THSD7B: variants seen among roughly 807,000 people sequenced by gnomAD.
THSD7B encodes the protein thrombospondin type-1 domain-containing protein 7B.
THSD7B carries 138 observed loss-of-function variants against 213.6 expected under a neutral mutation model. That is an observed-to-expected ratio of 0.65 (90% CI 0.56 to 0.74). The LOEUF is 0.74. Ranked by LOEUF, THSD7B falls within the 30% of genes least tolerant of loss-of-function variation. THSD7B has a pLI of 0.00. For missense variants in THSD7B, 1,931 were observed against 1,991.5 expected (o/e 0.97, Z 0.58); for synonymous variants, 742 against 687.0 (o/e 1.08, Z -1.25).
chr2:137,535,351 T>C (rs1680484458), intron 15 of THSD7B, among the ~76,000 whole-genome samples: 1 of 151,752 alleles, frequency 6.6e-6, no homozygotes, highest in Non-Finnish European at 1.5e-5. Context: ...TTAATTACCA[T>C]TTATATTAAC....
chr2:137,128,979 G>T (rs976684011), intron 5 of THSD7B, among the ~76,000 whole-genome samples: 7 of 152,036 alleles, frequency 4.6e-5, no homozygotes, highest in African/African-American at 1.7e-4. Flanking sequence ...AACTCTAATT[G>T]ATTTTTTATA....
intron 1 of THSD7B, among the ~76,000 whole-genome samples, chr2:136,880,983 T>G (rs941790635): frequency 6.6e-6 from 1 of 152,148 alleles, no homozygotes; most frequent in Non-Finnish European, 1.5e-5. Context: ...AAATCTCATC[T>G]TAGTCCATTC....
At chr2:136,962,274 A>C (rs1401986064) in intron 2 of THSD7B, among the ~76,000 whole-genome samples, 1 of 152,192 alleles carries the variant, frequency 6.6e-6, no homozygotes, top group African/African-American at 2.4e-5. Context: ...TTTTTAGCCC[A>C]GTGAGATTTA....
rs151123182 is a variant in THSD7B, at chr2:137,389,747, G to A, written c.2501-15866G>A. On this transcript the variant is annotated intron_variant, in intron 12 of 27. Transcript: ENST00000409968. ...AACAATTTTGAGTTGCTTTTTGTACGTGGTGAGAAACACAATGTCTATTTT... is the reference window on the plus strand; with the variant it reads ...AACAATTTTGAGTTGCTTTTTGTACATGGTGAGAAACACAATGTCTATTTT... Among the ~76,000 whole-genome samples the A allele has an allele frequency of 5.9e-5, 9 of 151,866 alleles. No homozygotes were observed. In the East Asian group the frequency reaches 1.7e-3, roughly 29 times the overall value.
chr2:137,075,758 G>A (rs1309659502), intron 3 of THSD7B, among the ~76,000 whole-genome samples: 3 of 152,116 alleles, frequency 2.0e-5, no homozygotes, highest in Admixed American at 1.3e-4. Context: ...ATACAGATGG[G>A]TTTTTGGTGT....
At chr2:137,467,284 G>T (rs1379943557) in intron 15 of THSD7B, among the ~76,000 whole-genome samples, 1 of 152,204 alleles carries the variant, frequency 6.6e-6, no homozygotes, top group Non-Finnish European at 1.5e-5. Context: ...GTGGGGTGGT[G>T]ACAGCAATGT....
intron 2 of THSD7B, among the ~76,000 whole-genome samples, chr2:136,890,440 TTC>T (rs1480436243): frequency 0.04 from 111 of 2,746 alleles, 38 homozygotes; most frequent in South Asian, 0.31. Flanking sequence ...CTTCTTCTTC[TTC>T]TTCTTCTTCT....
chr2:137,470,910 C>CTTTTTTTTT (rs70978226), intron 15 of THSD7B, among the ~76,000 whole-genome samples: 7 of 119,826 alleles, frequency 5.8e-5, no homozygotes, highest in Admixed American at 8.9e-5. Flanking sequence ...TTTTTCTTTA[C>CTTTTTTTTT]TTTTTTTTTT....
intron 12 of THSD7B, among the ~76,000 whole-genome samples, chr2:137,357,724 A>G (rs1685165803): frequency 6.6e-6 from 1 of 151,846 alleles, no homozygotes; most frequent in Non-Finnish European, 1.5e-5. Context: ...CCTACCCACC[A>G]CTCTCTACTC....
chr2:137,603,556 C>T (rs1272297357), intron 17 of THSD7B, among the ~76,000 whole-genome samples: 3 of 152,232 alleles, frequency 2.0e-5, no homozygotes, highest in East Asian at 3.9e-4. Context: ...TAAAATGGTT[C>T]TTCTTGCTAT....
chr2:136,836,607 GAGTGCT>G (rs1466004153), intron 1 of THSD7B, among the ~76,000 whole-genome samples: 2 of 152,128 alleles, frequency 1.3e-5, no homozygotes, highest in African/African-American at 4.8e-5. Flanking sequence ...TTGAGTTTTA[GAGTGCT>G]CCAGGGCTCA....
At chr2:137,215,233 T>C (rs183287800) in intron 7 of THSD7B, among the ~76,000 whole-genome samples, 1 of 152,340 alleles carries the variant, frequency 6.6e-6, no homozygotes, top group African/African-American at 2.4e-5. Context: ...TGTTTTCTTT[T>C]GAGAAATGTT....
chr2:137,160,055 G>A (rs1477683631), intron 5 of THSD7B, among the ~76,000 whole-genome samples, 158 bp from the exon 6 acceptor site: 2 of 152,196 alleles, frequency 1.3e-5, no homozygotes, highest in Non-Finnish European at 2.9e-5. Flanking sequence ...GTCATGTGAA[G>A]CTAAACAACA....
intron 27 of THSD7B, among the ~76,000 whole-genome samples, chr2:137,672,891 T>C (rs767035453): frequency 1.3e-5 from 2 of 152,220 alleles, no homozygotes; most frequent in African/African-American, 4.8e-5. Flanking sequence ...CCTCTGGCAG[T>C]AAATATCCAT....
chr2:137,167,186 T>A (rs1680155272), intron 6 of THSD7B, among the ~76,000 whole-genome samples: 1 of 151,352 alleles, frequency 6.6e-6, no homozygotes, highest in South Asian at 2.1e-4. Context: ...TTATAATTTT[T>A]ATTTTATTAT....
In THSD7B at chr2:136,820,317, G is replaced by A. The variant is rs77955210; in HGVS notation, c.-36+54630G>A. Among the ~76,000 whole-genome samples, 548 of 152,260 alleles carry A rather than the reference G, an allele frequency of 3.6e-3. 24 individuals are homozygous for A. The East Asian group carries it at 0.078, about 22-fold the overall frequency. On this transcript the variant is annotated intron_variant, in intron 1 of 27. Coordinates refer to ENST00000409968, the MANE Select transcript of THSD7B (RefSeq NM_001316349.2). ...CAAGGGGAAAATAATAACTTACTCA[G>A]TGGAATAACCTGGAGGATACCCTGA...
chr2:136,825,728 T>TTTTTGTTTTTTTTTTTTTTTTG lies in THSD7B; in HGVS notation c.-35-56412_-35-56411insGTTTTTTTTTTTTTTTTGTTTT. 2.7e-5 allele frequency among the ~76,000 whole-genome samples: 4 copies of TTTTTGTTTTTTTTTTTTTTTTG among 148,106 alleles called. No homozygotes were observed. The South Asian group carries it at 8.8e-4, about 33-fold the overall frequency. On this transcript the variant is annotated intron_variant, in intron 1 of 27. Coordinates refer to ENST00000409968, the MANE Select transcript of THSD7B (RefSeq NM_001316349.2). ...TGCCATGCCTGGCTAATTTTTTTTT[T>TTTTTGTTTTTTTTTTTTTTTTG]TTTTTTAGATCTGGGGTTTCACCAT...
At chr2:137,129,989 TATAAGA>T (rs1392116376) in intron 5 of THSD7B, among the ~76,000 whole-genome samples, 5 of 152,308 alleles carry the variant, frequency 3.3e-5, no homozygotes, top group African/African-American at 1.2e-4. Flanking sequence ...GGAGGACAGT[TATAAGA>T]ATATGTCTGA....
At chr2:137,270,413 T>C (rs1293012529) in intron 10 of THSD7B, among the ~76,000 whole-genome samples, 1 of 152,114 alleles carries the variant, frequency 6.6e-6, no homozygotes, top group Non-Finnish European at 1.5e-5. Context: ...TTCAAGGTCA[T>C]AAGATGTGCA....
Sources: gnomAD v4.1 joint callset for allele counts (sites outside exome capture counted in the v4.1 genomes callset) on GRCh38, gnomAD v4.1.1 for gene constraint, MANE v1.5 for transcripts, NCBI Gene and HGNC (gene_info 2026-07-23, HGNC 2026-07-21) for gene names.